SLC25A26: variants seen among roughly 807,000 people sequenced by gnomAD.
SLC25A26 encodes the protein solute carrier family 25 member 26.
Under a neutral mutation model 37.8 loss-of-function variants are expected in SLC25A26, and 36 were observed. The observed-to-expected ratio is 0.95, with a 90% CI of 0.73 to 1.26. SLC25A26 has a LOEUF of 1.26. SLC25A26 is among the 50% of genes most tolerant of loss of function. The pLI is 0.00. For missense variants in SLC25A26, 390 were observed against 331.1 expected, an observed-to-expected ratio of 1.18 and a Z score of -1.38; for synonymous variants, 129 against 122.5, an observed-to-expected ratio of 1.05 and a Z score of -0.35.
intron 5 of SLC25A26, among the ~76,000 whole-genome samples, chr3:66,264,930 ATTCAACACATGGGAAATT>A: frequency 6.6e-6 from 1 of 152,324 alleles, no homozygotes; most frequent in African/African-American, 2.4e-5. Context: ...AATTTCTGTG[ATTCAACACATGGGAAATT>A]TTCTTTTGTT....
intron 3 of SLC25A26, among the ~76,000 whole-genome samples, chr3:66,253,237 C>T (rs1432489721): frequency 6.6e-6 from 1 of 150,910 alleles, no homozygotes; most frequent in African/African-American, 2.4e-5. Context: ...GAAAGCTTGT[C>T]TCTAAAAAAA....
chr3:66,258,013 G>A (rs989782416), intron 3 of SLC25A26, among the ~76,000 whole-genome samples: 6 of 152,144 alleles, frequency 3.9e-5, no homozygotes, highest in African/African-American at 1.4e-4. Flanking sequence ...CATTGATCCT[G>A]GCTAACTTAT....
chr3:66,321,736 A>G (rs933314959), intron 5 of SLC25A26, among the ~76,000 whole-genome samples: 33 of 148,338 alleles, frequency 2.2e-4, no homozygotes, highest in African/African-American at 8.0e-4. Context: ...TTCTTGTTAT[A>G]TAGCTTTCTG....
intron 1 of SLC25A26, among the ~76,000 whole-genome samples, chr3:66,205,820 T>A (rs1347432894): frequency 6.6e-6 from 1 of 152,204 alleles, no homozygotes; most frequent in Non-Finnish European, 1.5e-5. Context: ...TCATAGGGCA[T>A]CTGTCTTAAT....
intron 1 of SLC25A26, among the ~76,000 whole-genome samples, chr3:66,226,433 A>T (rs943740891): frequency 2.0e-5 from 3 of 152,028 alleles, no homozygotes; most frequent in Non-Finnish European, 4.4e-5. Context: ...ATTCAAGATG[A>T]GATTTGGTTG....
At chr3:66,297,349 G>C (rs1028274583) in intron 5 of SLC25A26, among the ~76,000 whole-genome samples, 2 of 135,374 alleles carry the variant, frequency 1.5e-5, no homozygotes, top group African/African-American at 5.6e-5. Flanking sequence ...AAAAAAAAAA[G>C]AATGTCTGGC....
At position 66,253,360 on chromosome 3, in the gene SLC25A26, C is replaced by T. The variant is rs572682281; in HGVS notation, c.301-8691C>T. Reference sequence around the variant, plus strand: ...TGGGAGGTGGAGCTTGCAGATCGCGCCACTGCACTCCAGCCTGGGTGACAG... The same window carrying T: ...TGGGAGGTGGAGCTTGCAGATCGCGTCACTGCACTCCAGCCTGGGTGACAG... On this transcript the variant is annotated intron_variant, in intron 3 of 9. Transcript: ENST00000354883. Among the ~76,000 whole-genome samples the T allele has an allele frequency of 3.3e-3, 505 of 151,032 alleles. 1 individual carries two copies. The highest frequency in any genetic ancestry group is 5.6e-3 in the Non-Finnish European group (378 of 67,762).
intron 1 of SLC25A26, among the ~76,000 whole-genome samples, chr3:66,199,821 G>C (rs1156440293): frequency 6.6e-6 from 1 of 151,936 alleles, no homozygotes; most frequent in Non-Finnish European, 1.5e-5. Flanking sequence ...CCCTACACCT[G>C]ACACCTGATC....
chr3:66,142,381 A>G (rs921412934), intron 1 of SLC25A26, among the ~76,000 whole-genome samples: 7 of 152,228 alleles, frequency 4.6e-5, no homozygotes, highest in Non-Finnish European at 8.8e-5. Context: ...ATTTGAGAAC[A>G]CTGCAGAAGC....
chr3:66,208,630 T>C (rs922300447), intron 1 of SLC25A26, among the ~76,000 whole-genome samples: 4 of 99,772 alleles, frequency 4.0e-5, no homozygotes, highest in Non-Finnish European at 6.5e-5. Flanking sequence ...TAGATATATA[T>C]ATAATATATA....
At chr3:66,308,662 TCATAACTATTC>T (rs779997556) in intron 5 of SLC25A26, among the ~76,000 whole-genome samples, 8 of 152,312 alleles carry the variant, frequency 5.3e-5, no homozygotes, top group South Asian at 2.1e-4. Flanking sequence ...CCATAACTAT[TCATAACTATTC>T]CATAACTATT....
intron 5 of SLC25A26, among the ~76,000 whole-genome samples, chr3:66,296,680 ATTAT>A (rs2074912564): frequency 1.3e-5 from 2 of 152,234 alleles, no homozygotes; most frequent in African/African-American, 4.8e-5. Context: ...TAACTTAATA[ATTAT>A]TTAATCACTA....
Position 66,341,471 on chromosome 3 carries a change from CT to C in SLC25A26, c.454-4892del, listed in dbSNP as rs1294273282. Among the ~76,000 whole-genome samples the C allele has an allele frequency of 6.6e-5, 10 of 152,102 alleles. 1 individual carries two copies. The highest frequency in any genetic ancestry group is 6.6e-4 in the Admixed American group (10 of 15,264). On this transcript the variant is annotated intron_variant, in intron 5 of 9. Coordinates refer to ENST00000354883, the MANE Select transcript of SLC25A26 (RefSeq NM_001379210.1). ...AGCCACTTCCATCTACACAAAATTA[CT>C]GTGATGATTCTGTAGAATGTGGAAA...
intron 6 of SLC25A26, among the ~76,000 whole-genome samples, chr3:66,356,926 G>A (rs1216707341): frequency 1.3e-5 from 2 of 152,074 alleles, no homozygotes; most frequent in South Asian, 2.1e-4. Flanking sequence ...CGCTGCACTC[G>A]GTGGAATGTT....
intron 6 of SLC25A26, among the ~76,000 whole-genome samples, chr3:66,348,900 A>C (rs988556746): frequency 6.6e-6 from 1 of 152,218 alleles, no homozygotes; most frequent in Admixed American, 6.5e-5. Context: ...ACGTTCCATT[A>C]GTATAACAGC....
Position 66,378,085 on chromosome 3 carries a change from A to G in SLC25A26, c.*278A>G, listed in dbSNP as rs1382311998. On this transcript the variant is annotated 3_prime_UTR_variant, in exon 10 of 10. Transcript: ENST00000354883. ...AAATAAGTTTGGTAATGCTGAGGCC[A>G]GGCCTTTTAGAGCTTTCATTTGATC... 3.2e-6 allele frequency: 1 copy of G among 315,128 alleles called. No individual in the cohort carries two copies. Among genetic ancestry groups the G allele is most frequent in the Non-Finnish European group, 5.9e-6 (1 of 170,074 alleles). 19.5% of individuals were successfully genotyped at this position (315,128 alleles called of 1,614,324 possible).
rs531734968 is a variant in SLC25A26 at position 66,321,973 on chromosome 3, A to C, written c.454-24391A>C. Among the ~76,000 whole-genome samples, 655 of 152,242 alleles carry C rather than the reference A, an allele frequency of 4.3e-3. 4 individuals are homozygous for C. Among genetic ancestry groups the C allele is most frequent in the Middle Eastern group, 0.024 (7 of 294 alleles). The stretch of plus-strand genomic sequence containing the variant: ...TTATATGGAACTCTCTCCTCAGATA[A>C]CAGCATTAAGCCATTCATGAGGGTG... On this transcript the variant is annotated intron_variant, in intron 5 of 9. Coordinates refer to ENST00000354883, the MANE Select transcript of SLC25A26 (RefSeq NM_001379210.1).
At chr3:66,240,659 CTT>C (rs2072531421) in intron 2 of SLC25A26, among the ~76,000 whole-genome samples, 1 of 151,418 alleles carries the variant, frequency 6.6e-6, no homozygotes, top group African/African-American at 2.4e-5. Context: ...TGAATTTTAA[CTT>C]TTTATATTTT....
chr3:66,284,779 T>C (rs2074455065), intron 5 of SLC25A26, among the ~76,000 whole-genome samples: 1 of 152,178 alleles, frequency 6.6e-6, no homozygotes, highest in Non-Finnish European at 1.5e-5. Context: ...AGCAAATATA[T>C]ATTTATATCC....
Sources: allele counts gnomAD v4.1 joint callset (sites outside exome capture counted in the v4.1 genomes callset), GRCh38; gene constraint gnomAD v4.1.1; transcripts MANE v1.5; gene names NCBI Gene and HGNC (gene_info 2026-07-23, HGNC 2026-07-21).